TMPRSS11D: variants seen among roughly 807,000 people sequenced by gnomAD.
The protein encoded by TMPRSS11D is transmembrane serine protease 11D, also known as transmembrane protease serine 11D.
Under a neutral mutation model 44.4 loss-of-function variants are expected in TMPRSS11D, and 32 were observed. The observed-to-expected ratio is 0.72, with a 90% CI of 0.54 to 0.97. The LOEUF is 0.97. Ranked by LOEUF, TMPRSS11D falls within the 50% of genes least tolerant of loss-of-function variation. The probability of loss-of-function intolerance (pLI) is 0.00; values close to 1 mark genes in which losing one functional copy is unlikely to be tolerated. For synonymous variants in TMPRSS11D, 179 were observed against 177.9 expected, an observed-to-expected ratio of 1.01 and a Z score of -0.05; for missense variants, 446 against 502.6, an observed-to-expected ratio of 0.89 and a Z score of 1.08.
rs912483095 is a variant in TMPRSS11D, at chr4:67,825,802, C to G, written c.1025G>C (p.Ser342Thr). The G allele has an allele frequency of 1.9e-6, 3 of 1,613,152 alleles. No homozygotes were observed. The highest frequency in any genetic ancestry group is 2.5e-6 in the Non-Finnish European group (3 of 1,179,512). Residue 342 changes from serine to threonine, a missense_variant, in exon 9 of 10, where the codon AGT becomes ACT. Coordinates refer to ENST00000283916, the MANE Select transcript of TMPRSS11D (RefSeq NM_004262.3). ...ISNDVCNAPH[S>T]YNGAILSGML... is the part of the protein sequence containing the mutation. ...TCCAGACAAGATGGCTCCATTATAA[C>G]TATGTGGTGCATTACATACATCATT...
intron 1 of TMPRSS11D, among the ~76,000 whole-genome samples, chr4:67,882,714 A>G (rs1719348909): frequency 6.6e-6 from 1 of 152,166 alleles, no homozygotes; most frequent in African/African-American, 2.4e-5. Context: ...TTACACTTAT[A>G]GATGGTTTAA....
chr4:67,881,334 G>C (rs979795576), intron 1 of TMPRSS11D, among the ~76,000 whole-genome samples: 1 of 152,146 alleles, frequency 6.6e-6, no homozygotes, highest in Admixed American at 6.5e-5. Context: ...AGTGGCATGG[G>C]ATAATTTGCT....
At chr4:67,880,773 C>T (rs940206964) in intron 1 of TMPRSS11D, among the ~76,000 whole-genome samples, 4 of 151,966 alleles carry the variant, frequency 2.6e-5, no homozygotes, top group African/African-American at 4.8e-5. Context: ...ACAGGGAATA[C>T]TTGTACCACC....
chr4:67,822,227 A>T lies in TMPRSS11D; in HGVS notation c.*110T>A. On this transcript the variant is annotated 3_prime_UTR_variant, in exon 10 of 10. Coordinates refer to ENST00000283916, the MANE Select transcript of TMPRSS11D (RefSeq NM_004262.3). ...TGTTAAACCATATTTATGTAACAAG[A>T]TGTTAAATTAGGACATTTCTAGTTT... 8.4e-7 allele frequency: 1 copy of T among 1,188,504 alleles called. No individual in the cohort carries two copies. The highest frequency in any genetic ancestry group is 1.5e-5 in the South Asian group (1 of 67,146). 73.6% of individuals were successfully genotyped at this position (1,188,504 alleles called of 1,614,324 possible). A position where few individuals can be genotyped will look rare whatever the true frequency, so the allele number is the denominator to read the frequency against.
intron 3 of TMPRSS11D, 78 bp from the exon 4 acceptor site, chr4:67,842,703 A>T: frequency 7.7e-7 from 1 of 1,293,696 alleles, no homozygotes; most frequent in East Asian, 2.3e-5. Context: ...GCAACATGAG[A>T]CATGTTAATG....
intron 3 of TMPRSS11D, among the ~76,000 whole-genome samples, chr4:67,852,515 C>A (rs977095053): frequency 2.6e-5 from 4 of 152,156 alleles, no homozygotes; most frequent in Non-Finnish European, 5.9e-5. Flanking sequence ...TCAGTGAGAA[C>A]CATCACAGCT....
chr4:67,865,618 A>T (rs1718907426), intron 1 of TMPRSS11D, among the ~76,000 whole-genome samples: 1 of 151,800 alleles, frequency 6.6e-6, no homozygotes, highest in Non-Finnish European at 1.5e-5. Context: ...ATTCAAATAA[A>T]CAAAATCAGA....
At chr4:67,825,137 A>C (rs1717760540) in intron 9 of TMPRSS11D, among the ~76,000 whole-genome samples, 2 of 151,938 alleles carry the variant, frequency 1.3e-5, no homozygotes, top group South Asian at 4.1e-4. Flanking sequence ...TTGTGACTCA[A>C]ATTACTAGGA....
At chr4:67,835,024 T>G (rs1421266063) in intron 6 of TMPRSS11D, 59 bp downstream of exon 6, 5 of 1,483,902 alleles carry the variant, frequency 3.4e-6, no homozygotes, top group Non-Finnish European at 4.7e-6. Context: ...ACAAAAGACT[T>G]GCACTTTTAC....
rs373392923 is a variant in TMPRSS11D at position 67,852,428 on chromosome 4, G to A, written c.249+1640C>T. 2.6e-5 allele frequency among the ~76,000 whole-genome samples: 4 copies of A among 152,250 alleles called. No individual in the cohort carries two copies. In the East Asian group the frequency reaches 7.7e-4, roughly 29 times the overall value. On this transcript the variant is annotated intron_variant, in intron 3 of 9. Coordinates refer to ENST00000283916, the MANE Select transcript of TMPRSS11D (RefSeq NM_004262.3). ...AATTTTTGATTTAGTATGTCTTGGT[G>A]AGCCCAAGAATTTGCATTTCTAACA...
At position 67,825,804 on chromosome 4, in the gene TMPRSS11D, A is replaced by G; in HGVS notation, c.1023T>C (p.His341=). 6.2e-7 allele frequency: 1 copy of G among 1,613,202 alleles called. No individual in the cohort carries two copies. The highest frequency in any genetic ancestry group is 8.5e-7 in the Non-Finnish European group (1 of 1,179,474). ...IISNDVCNAP[H]SYNGAILSGM... ...CAGACAAGATGGCTCCATTATAACT[A>G]TGTGGTGCATTACATACATCATTAC... The change falls in exon 9 of 10, where the codon CAT becomes CAC. Residue 341 remains histidine (H), a synonymous_variant. Transcript: ENST00000283916.
rs1717835104 is a variant in TMPRSS11D, at chr4:67,827,606, C to G, written c.693-86G>C. ...AATTCATCTTAGCCATCCTGTACCA[C>G]TATCTAGAAACTATTGGATCCACAT... is the stretch of plus-strand genomic sequence containing the variant. On this transcript the variant is annotated intron_variant, in intron 7 of 9. Transcript: ENST00000283916. 7.2e-6 allele frequency: 10 copies of G among 1,389,046 alleles called. No individual in the cohort carries two copies. The South Asian group carries it at 1.5e-4, about 21-fold the overall frequency. The allele number at this position is 1,389,046 out of a possible 1,614,324, so 86.0% of individuals were successfully genotyped here.
chr4:67,827,312 G>C lies in TMPRSS11D; in HGVS notation c.901C>G (p.Pro301Ala), dbSNP rs375104244. 6.2e-7 allele frequency: 1 copy of C among 1,613,084 alleles called. No individual in the cohort carries two copies. Among genetic ancestry groups the C allele is most frequent in the Non-Finnish European group, 8.5e-7 (1 of 1,179,530 alleles). The change falls in exon 8 of 10, where the codon CCA becomes GCA. Residue 301 changes from proline to alanine, a missense_variant. Coordinates refer to ENST00000283916, the MANE Select transcript of TMPRSS11D (RefSeq NM_004262.3). ...GTTACATAAGCAGTAGAGCCAGGTG[G>C]AATATTCTGGGTAGCAGCTGGGAGA... ...VCLPAATQNI[P>A]PGSTAYVTGW...
At chr4:67,859,145 G>C (rs1235753093) in intron 2 of TMPRSS11D, among the ~76,000 whole-genome samples, 1 of 152,102 alleles carries the variant, frequency 6.6e-6, no homozygotes, top group East Asian at 1.9e-4. Flanking sequence ...CCAAATTTTA[G>C]ATGTTGAAAC....
intron 3 of TMPRSS11D, among the ~76,000 whole-genome samples, chr4:67,844,073 T>C (rs1000134446): frequency 2.0e-5 from 3 of 152,110 alleles, no homozygotes; most frequent in African/African-American, 4.8e-5. Context: ...ACAGTTCTCC[T>C]GAGATGCAGG....
intron 3 of TMPRSS11D, among the ~76,000 whole-genome samples, chr4:67,844,002 G>T (rs1421517615): frequency 6.6e-6 from 1 of 152,186 alleles, no homozygotes; most frequent in Non-Finnish European, 1.5e-5. Context: ...GTCCCAGCAA[G>T]GATGTTTCTC....
intron 3 of TMPRSS11D, among the ~76,000 whole-genome samples, chr4:67,843,615 C>G (rs939880549): frequency 6.6e-6 from 1 of 152,200 alleles, no homozygotes; most frequent in Admixed American, 6.5e-5. Flanking sequence ...GTGTGTACCA[C>G]TGTGCCTGGC....
At chr4:67,875,374 G>T (rs1030166632) in intron 1 of TMPRSS11D, among the ~76,000 whole-genome samples, 1 of 152,160 alleles carries the variant, frequency 6.6e-6, no homozygotes, top group Non-Finnish European at 1.5e-5. Flanking sequence ...GAATCAGCAA[G>T]TTTCTTCATC....
rs188329063 is a variant in TMPRSS11D, at chr4:67,873,936, A to G, written c.8+9990T>C. The stretch of plus-strand genomic sequence containing the variant: ...TTAACTTATTGCTTCATCAAAATAT[A>G]CTGACCCTATTATAGAACTACAGTC... On this transcript the variant is annotated intron_variant, in intron 1 of 9. Coordinates refer to ENST00000283916, the MANE Select transcript of TMPRSS11D (RefSeq NM_004262.3). 2.5e-3 allele frequency among the ~76,000 whole-genome samples: 374 copies of G among 152,298 alleles called. 2 individuals carry two copies. The highest frequency in any genetic ancestry group is 8.6e-3 in the African/African-American group (357 of 41,552).
Sources: gnomAD v4.1 joint callset for allele counts (sites outside exome capture counted in the v4.1 genomes callset) on GRCh38, gnomAD v4.1.1 for gene constraint, MANE v1.5 for transcripts, NCBI Gene and HGNC (gene_info 2026-07-23, HGNC 2026-07-21) for gene names.